ZBTB8A: variants seen among roughly 807,000 people sequenced by gnomAD.
ZBTB8A encodes the protein zinc finger and BTB domain-containing protein 8A.
In ZBTB8A, 19 loss-of-function variants were observed where a neutral mutation model predicts 37.8. That is an observed-to-expected ratio of 0.50 (90% CI 0.35 to 0.74). ZBTB8A has a LOEUF of 0.74. ZBTB8A is among the 30% of genes least tolerant of loss of function. The pLI is 0.01. For missense variants in ZBTB8A, 394 were observed against 537.8 expected (o/e 0.73, Z 2.65); for synonymous variants, 181 against 185.2 (o/e 0.98, Z 0.19).
intron 2 of ZBTB8A, among the ~76,000 whole-genome samples, chr1:32,584,508 CTTTTTTTTTT>C (rs1177778440): frequency 8.5e-6 from 1 of 117,876 alleles, no homozygotes; most frequent in Non-Finnish European, 1.8e-5. Context: ...TTCTTTCTTT[CTTTTTTTTTT>C]TTTTTTTTTT....
At chr1:32,599,442 G>T (rs988008697) in intron 4 of ZBTB8A, among the ~76,000 whole-genome samples, 1 of 151,968 alleles carries the variant, frequency 6.6e-6, no homozygotes, top group African/African-American at 2.4e-5. Context: ...AAGTATGCTG[G>T]GCGCGGTGCC....
At chr1:32,591,486 T>C (rs1644487892) in intron 2 of ZBTB8A, among the ~76,000 whole-genome samples, 1 of 152,152 alleles carries the variant, frequency 6.6e-6, no homozygotes, top group Non-Finnish European at 1.5e-5. Context: ...CCCAAAGTGC[T>C]GGGATTATAG....
In ZBTB8A at chr1:32,589,697, G is replaced by C. The variant is rs556824913; in HGVS notation, c.-1-3234G>C. ...CCCGAGTAGCTGGGATTACAGGTAG[G>C]CACCGCCATGCCTGGCTGATTTTTT... On this transcript the variant is annotated intron_variant, in intron 2 of 4. Transcript: ENST00000373510. Among the ~76,000 whole-genome samples, 258 of 151,766 alleles carry C rather than the reference G, an allele frequency of 1.7e-3. 3 individuals are homozygous for C. The highest frequency in any genetic ancestry group is 6.1e-3 in the African/African-American group (252 of 41,288).
chr1:32,554,198 CA>C (rs1017025736), intron 2 of ZBTB8A, among the ~76,000 whole-genome samples: 1,260 of 50,208 alleles, frequency 0.025, 5 homozygotes, highest in Middle Eastern at 0.1. Context: ...AGACTGTCTC[CA>C]AAAAAAAAAA....
chr1:32,547,860 G>A (rs767400103), intron 1 of ZBTB8A, among the ~76,000 whole-genome samples: 10 of 139,612 alleles, frequency 7.2e-5, no homozygotes, highest in Admixed American at 1.5e-4. Flanking sequence ...AAGACCAGGC[G>A]CAGTGGCTCA....
chr1:32,564,640 C>G (rs1015082438), intron 2 of ZBTB8A, among the ~76,000 whole-genome samples: 4 of 151,954 alleles, frequency 2.6e-5, no homozygotes, highest in Non-Finnish European at 1.5e-5. Flanking sequence ...ATTAAGCACA[C>G]ATGTTCAATA....
intron 2 of ZBTB8A, among the ~76,000 whole-genome samples, chr1:32,566,400 C>A (rs534465155): frequency 6.6e-6 from 1 of 151,728 alleles, no homozygotes; most frequent in Non-Finnish European, 1.5e-5. Context: ...TGGCGCATAC[C>A]TCTAGTCCCA....
At chr1:32,588,578 T>G (rs1253871223) in intron 2 of ZBTB8A, among the ~76,000 whole-genome samples, 3 of 151,948 alleles carry the variant, frequency 2.0e-5, no homozygotes, top group African/African-American at 7.3e-5. Context: ...AGTGTCCTGG[T>G]GGTCAAATGA....
chr1:32,560,366 G>A (rs941688270), intron 2 of ZBTB8A, among the ~76,000 whole-genome samples: 2 of 152,108 alleles, frequency 1.3e-5, no homozygotes, highest in Non-Finnish European at 2.9e-5. Context: ...GAAAGCCCTC[G>A]CCAAGTGTGG....
rs112905437 is a variant in ZBTB8A at position 32,575,840 on chromosome 1, C to G, written c.-1-17091C>G. Among the ~76,000 whole-genome samples the G allele has an allele frequency of 1.4e-3, 208 of 152,190 alleles. 2 individuals are homozygous for G. Among genetic ancestry groups the G allele is most frequent in the African/African-American group, 4.8e-3 (200 of 41,538 alleles). On this transcript the variant is annotated intron_variant, in intron 2 of 4. Transcript: ENST00000373510. ...TGAACTCCAGCCTGGACAACAAACC[C>G]AGACCCTATCCCTGAAACAAACAAA...
At chr1:32,569,527 A>G (rs1644309219) in intron 2 of ZBTB8A, among the ~76,000 whole-genome samples, 1 of 150,034 alleles carries the variant, frequency 6.7e-6, no homozygotes, top group South Asian at 2.1e-4. Flanking sequence ...CTGAGTAGCT[A>G]GAACTACAGG....
chr1:32,550,040 T>C (rs1351936197), intron 1 of ZBTB8A, among the ~76,000 whole-genome samples: 1 of 152,156 alleles, frequency 6.6e-6, no homozygotes, highest in Non-Finnish European at 1.5e-5. Context: ...AAATGTACTT[T>C]TTAGTTTCCA....
chr1:32,577,413 G>C (rs1411449640), intron 2 of ZBTB8A, among the ~76,000 whole-genome samples: 1 of 150,976 alleles, frequency 6.6e-6, no homozygotes, highest in Non-Finnish European at 1.5e-5. Flanking sequence ...GCCTTCCAAA[G>C]TGCTGGGATT....
At chr1:32,567,825 A>AAAAAAAAAAAAAAAAC (rs1644294123) in intron 2 of ZBTB8A, among the ~76,000 whole-genome samples, 1 of 63,674 alleles carries the variant, frequency 1.6e-5, no homozygotes, top group Non-Finnish European at 2.7e-5. Flanking sequence ...AAAAAAAAAC[A>AAAAAAAAAAAAAAAAC]AAAACAAAAC....
intron 2 of ZBTB8A, among the ~76,000 whole-genome samples, chr1:32,554,860 C>A (rs541257196): frequency 6.6e-6 from 1 of 152,118 alleles, no homozygotes; most frequent in Non-Finnish European, 1.5e-5. Flanking sequence ...GTATGTATTT[C>A]TCCCATTCTA....
At chr1:32,587,085 A>C (rs1296189208) in intron 2 of ZBTB8A, among the ~76,000 whole-genome samples, 1 of 152,026 alleles carries the variant, frequency 6.6e-6, no homozygotes, top group Non-Finnish European at 1.5e-5. Flanking sequence ...CTAAAAATAC[A>C]AAAATTAGCT....
Position 32,579,417 on chromosome 1 carries a change from C to T in ZBTB8A, c.-1-13514C>T, listed in dbSNP as rs1032096927. On this transcript the variant is annotated intron_variant, in intron 2 of 4. Transcript: ENST00000373510. ...AGTGAGCTGAGATCACACCATTGCA[C>T]TCCAGCCTGGGCAACAGAGCAAGAT... 4.0e-5 allele frequency among the ~76,000 whole-genome samples: 6 copies of T among 150,302 alleles called. No individual in the cohort carries two copies. The East Asian group carries it at 1.2e-3, about 29-fold the overall frequency.
chr1:32,582,580 G>A (rs539092031), intron 2 of ZBTB8A, among the ~76,000 whole-genome samples: 36 of 152,026 alleles, frequency 2.4e-4, no homozygotes, highest in Admixed American at 4.6e-4. Flanking sequence ...CCCGGGAGGC[G>A]GAGGTTGCAG....
chr1:32,598,318 C>T (rs1010548072), intron 4 of ZBTB8A, among the ~76,000 whole-genome samples: 2 of 150,090 alleles, frequency 1.3e-5, no homozygotes, highest in South Asian at 2.1e-4. Flanking sequence ...CTGCAACCTC[C>T]GCCTCCCGGG....
Sources: allele counts gnomAD v4.1 joint callset (sites outside exome capture counted in the v4.1 genomes callset), GRCh38; gene constraint gnomAD v4.1.1; transcripts MANE v1.5; gene names NCBI Gene and HGNC (gene_info 2026-07-23, HGNC 2026-07-21).